Variants in CHD1L observed in about 807,000 individuals in gnomAD.
CHD1L encodes chromodomain helicase DNA binding protein 1 like, also known as ATP-dependent chromatin remodeler CHD1L.
A neutral mutation model predicts 115.9 loss-of-function variants in CHD1L; 118 were observed. That is an observed-to-expected ratio of 1.02 (90% confidence interval 0.88 to 1.19). The LOEUF is 1.19. Ranked by LOEUF, CHD1L falls within the 50% of genes most tolerant of loss-of-function variation. CHD1L has a pLI of 0.00. For synonymous variants in CHD1L, 411 were observed against 387.1 expected (o/e 1.06, Z -0.72); for missense variants, 1,179 against 1,065.3 (o/e 1.11, Z -1.49).
At chr1:147,258,961 TTTA>T (rs1342391116) in intron 5 of CHD1L, 2 of 152,242 alleles carry the variant, frequency 1.3e-5, no homozygotes, top group Non-Finnish European at 2.9e-5. Context: ...TTATATCTTT[TTTA>T]TTATTCTATA....
chr1:147,248,784 A>T (rs1405016014), intron 1 of CHD1L, among the ~76,000 whole-genome samples: 1 of 152,154 alleles, frequency 6.6e-6, no homozygotes, highest in African/African-American at 2.4e-5. Context: ...GACTACTGAT[A>T]TTGTCATTTT....
chr1:147,259,113 C>G (rs932851116), intron 5 of CHD1L: 2 of 152,110 alleles, frequency 1.3e-5, no homozygotes, highest in Non-Finnish European at 2.9e-5. Context: ...CCACATATAT[C>G]TTTTTCTGTA....
intron 1 of CHD1L, among the ~76,000 whole-genome samples, chr1:147,249,806 C>A (rs1667837509): frequency 1.3e-5 from 2 of 152,118 alleles, no homozygotes; most frequent in African/African-American, 4.8e-5. Flanking sequence ...CTTTTTCAGC[C>A]CTATCCTCCT....
chr1:147,265,821 C>T, intron 7 of CHD1L, 111 bp from the exon 8 acceptor site: 1 of 979,326 alleles, frequency 1.0e-6, no homozygotes, highest in South Asian at 2.0e-5. Context: ...GCCTAGAATG[C>T]AAAATAAGCG....
At chr1:147,242,123 A>G (rs1553931232), upstream of CHD1L, among the ~76,000 whole-genome samples, 2 of 152,090 alleles carry the variant, frequency 1.3e-5, no homozygotes. Context: ...GCTCCCCATA[A>G]TGCACTTGAG....
At position 147,286,509 on chromosome 1, in the gene CHD1L, AGTG is replaced by A. The variant is rs782057783; in HGVS notation, c.2221+12_2221+14del. ...CATTGTGCACTGCGTAGGTACGAGA[AGTG>A]GTATGGGCTGGGGATGGGGGCCTCA... is the stretch of plus-strand genomic sequence containing the variant. On this transcript the variant is annotated intron_variant, in intron 18 of 22. Transcript: ENST00000369258. The A allele has an allele frequency of 8.7e-6, 14 of 1,612,606 alleles. No individual in the cohort carries two copies. The South Asian group carries it at 1.5e-4, about 18-fold the overall frequency.
At chr1:147,212,594 C>A in the CHD1L span, 2 of 1,495,044 alleles carry the variant, frequency 1.3e-6, no homozygotes, top group South Asian at 1.2e-5. Context: ...TATCATTTGT[C>A]AAGTCATTTG....
intron 19 of CHD1L, among the ~76,000 whole-genome samples, chr1:147,289,234 CAT>C (rs781795526): frequency 1.4e-5 from 2 of 147,390 alleles, no homozygotes; most frequent in Non-Finnish European, 3.0e-5. Context: ...TGTTTAAAAT[CAT>C]GTGGGAGAGA....
intron 12 of CHD1L, among the ~76,000 whole-genome samples, chr1:147,274,451 G>T (rs1056529126): frequency 8.5e-5 from 13 of 152,298 alleles, no homozygotes; most frequent in African/African-American, 2.9e-4. Flanking sequence ...TCCAGCTTAT[G>T]GTCAGTAGTC....
the CHD1L span, chr1:147,211,179 T>G: frequency 2.6e-5 from 4 of 152,166 alleles, no homozygotes; most frequent in African/African-American, 9.7e-5. Flanking sequence ...CACACAGAAA[T>G]GCTTTGTTAT....
At chr1:147,254,727 T>G in intron 2 of CHD1L, 143 bp from the exon 3 acceptor site, 1 of 508,174 alleles carries the variant, frequency 2.0e-6, no homozygotes. Context: ...ATTACTCCCC[T>G]GATATGCGGA....
intron 14 of CHD1L, among the ~76,000 whole-genome samples, chr1:147,277,409 A>G (rs1678928260): frequency 1.3e-5 from 2 of 152,218 alleles, no homozygotes; most frequent in South Asian, 4.1e-4. Flanking sequence ...GTATCTGCAA[A>G]GGCCAGTGCA....
chr1:147,178,242 C>G, the CHD1L span: 1 of 1,613,656 alleles, frequency 6.2e-7, no homozygotes, highest in Non-Finnish European at 8.5e-7. Flanking sequence ...CCGACACGGG[C>G]TCTGCGGGCC....
In CHD1L at chr1:147,254,905, A is replaced by G; in HGVS notation, c.276A>G (p.Leu92=). Residue 92 remains leucine, a synonymous_variant, in exon 3 of 23, where the codon TTA becomes TTG. Coordinates refer to ENST00000369258, the MANE Select transcript of CHD1L (RefSeq NM_004284.6). ...TCTTCATTTATTTGGCAGGAAGATT[A>G]AATGATGAAGGGCCATTTCTGATTC... ...IALFIYLAGR[L]NDEGPFLILC... is the part of the protein sequence containing the mutation. 6.2e-7 allele frequency: 1 copy of G among 1,608,312 alleles called. No homozygotes were observed. Among genetic ancestry groups the G allele is most frequent in the Non-Finnish European group, 8.5e-7 (1 of 1,178,360 alleles).
the CHD1L span, among the ~76,000 whole-genome samples, chr1:147,228,782 G>C: frequency 3.9e-5 from 6 of 152,132 alleles, no homozygotes; most frequent in African/African-American, 1.4e-4. Context: ...ATTTTTTCAT[G>C]TGTTTTTGGC....
At chr1:147,291,582 A>G (rs1332914061) in intron 20 of CHD1L, 30 bp downstream of exon 20, 11 of 1,567,390 alleles carry the variant, frequency 7.0e-6, no homozygotes, top group Admixed American at 3.3e-5. Context: ...TCTCAGAACT[A>G]CAAGTGGACT....
the CHD1L span, chr1:147,176,515 G>T: frequency 2.6e-5 from 4 of 152,118 alleles, no homozygotes; most frequent in Non-Finnish European, 5.9e-5. Context: ...TTGATTGAGG[G>T]CCCCAATACT....
intron 17 of CHD1L, 150 bp downstream of exon 17, chr1:147,285,637 C>T: frequency 4.4e-6 from 4 of 908,804 alleles, no homozygotes; most frequent in Non-Finnish European, 6.6e-6. Flanking sequence ...AACATTTCCT[C>T]TAGGTAAGTG....
chr1:147,242,648 G>A, upstream of CHD1L: 3 of 1,256,300 alleles, frequency 2.4e-6, no homozygotes, highest in South Asian at 3.8e-5. Context: ...CGCGCGTTGG[G>A]AAGTTGGGAG....
Sources: allele counts gnomAD v4.1 joint callset (sites outside exome capture counted in the v4.1 genomes callset), GRCh38; gene constraint gnomAD v4.1.1; transcripts MANE v1.5; gene names NCBI Gene and HGNC (gene_info 2026-07-23, HGNC 2026-07-21).